Variants in SLC9A9 observed in about 807,000 individuals in gnomAD.
SLC9A9 encodes sodium/hydrogen exchanger 9.
In SLC9A9, 62 loss-of-function variants were observed where a neutral mutation model predicts 77.8. The ratio of observed to expected loss-of-function variants is 0.80; its 90% CI spans 0.65 to 0.98. SLC9A9 has a LOEUF of 0.98. SLC9A9 is among the 50% of genes least tolerant of loss of function. SLC9A9 has a pLI of 0.00. For missense variants in SLC9A9, 775 were observed against 774.9 expected (o/e 1.00, Z 0.00); for synonymous variants, 320 against 283.5 (o/e 1.13, Z -1.29).
intron 4 of SLC9A9, among the ~76,000 whole-genome samples, chr3:143,718,205 C>T (rs989469401): frequency 2.6e-5 from 4 of 152,162 alleles, no homozygotes; most frequent in Admixed American, 2.6e-4. Context: ...GAGAGAACAA[C>T]ATAAAGCTGA....
At chr3:143,720,481 C>T (rs998582318) in intron 4 of SLC9A9, among the ~76,000 whole-genome samples, 1 of 152,188 alleles carries the variant, frequency 6.6e-6, no homozygotes, top group Non-Finnish European at 1.5e-5. Context: ...TCCGGCCTCA[C>T]TTGCTGAAGA....
At chr3:143,597,751 A>G (rs1448801104) in intron 6 of SLC9A9, among the ~76,000 whole-genome samples, 1 of 152,222 alleles carries the variant, frequency 6.6e-6, no homozygotes, top group African/African-American at 2.4e-5. Context: ...CTTACTTTTA[A>G]ACTATTTTAC....
chr3:143,817,148 T>A (rs2009039487), intron 2 of SLC9A9, among the ~76,000 whole-genome samples: 1 of 147,822 alleles, frequency 6.8e-6, no homozygotes, highest in Non-Finnish European at 1.5e-5. Flanking sequence ...TTTTTTTATT[T>A]TTTTTTTTTT....
In SLC9A9 at chr3:143,504,218, G is replaced by C. The variant is rs566030645; in HGVS notation, c.1090-8770C>G. ...TTTGCTAGATTTAAAAGCAGCACTAGTGACCAGGTGCCCAATACAGCCAAA... is the reference window on the plus strand; with the variant it reads ...TTTGCTAGATTTAAAAGCAGCACTACTGACCAGGTGCCCAATACAGCCAAA... On this transcript the variant is annotated intron_variant, in intron 9 of 15. Transcript: ENST00000316549. 93 of 288,580 alleles carry C rather than the reference G, an allele frequency of 3.2e-4. No homozygotes were observed. The South Asian group carries it at 3.3e-3, about 10-fold the overall frequency. 17.9% of individuals were successfully genotyped at this position (288,580 alleles called of 1,614,324 possible).
chr3:143,651,861 T>A lies in SLC9A9; in HGVS notation c.755+394A>T, dbSNP rs578011432. Among the ~76,000 whole-genome samples the A allele has an allele frequency of 5.9e-4, 90 of 152,340 alleles. 1 individual carries two copies. In the South Asian group the frequency reaches 0.017, roughly 28 times the overall value. ...TCTGACCCTTAGGTTCTGGCTCCAA[T>A]CTGCCAATCTGCCCATAAATACAAG... On this transcript the variant is annotated intron_variant, in intron 6 of 15. Transcript: ENST00000316549.
intron 9 of SLC9A9, among the ~76,000 whole-genome samples, chr3:143,522,659 C>T (rs1388483911): frequency 3.3e-5 from 5 of 152,088 alleles, no homozygotes; most frequent in African/African-American, 1.2e-4. Flanking sequence ...CTTCCAAGAT[C>T]ACAAAAGACT....
chr3:143,719,442 C>A (rs1056448621), intron 4 of SLC9A9, among the ~76,000 whole-genome samples: 3 of 151,998 alleles, frequency 2.0e-5, no homozygotes, highest in Non-Finnish European at 4.4e-5. Context: ...CCAAGTAGGG[C>A]CTTTCAGGGA....
intron 9 of SLC9A9, among the ~76,000 whole-genome samples, chr3:143,514,120 T>C (rs980490796): frequency 6.6e-6 from 1 of 152,162 alleles, no homozygotes; most frequent in Non-Finnish European, 1.5e-5. Context: ...CTTACAATAG[T>C]TTGCTAAGAA....
At chr3:143,429,380 T>G (rs2034466470) in intron 12 of SLC9A9, among the ~76,000 whole-genome samples, 1 of 152,140 alleles carries the variant, frequency 6.6e-6, no homozygotes, top group African/African-American at 2.4e-5. Context: ...AGAGTCCAAC[T>G]TGAGATGTCA....
intron 4 of SLC9A9, among the ~76,000 whole-genome samples, chr3:143,783,958 A>G (rs1019337055): frequency 6.6e-6 from 1 of 152,242 alleles, no homozygotes; most frequent in Non-Finnish European, 1.5e-5. Context: ...CCAAAGCTCT[A>G]TCCTTTCCCA....
intron 2 of SLC9A9, among the ~76,000 whole-genome samples, chr3:143,815,502 C>T (rs1460696520): frequency 1.3e-5 from 2 of 151,786 alleles, no homozygotes; most frequent in Admixed American, 1.3e-4. Context: ...TGTGAAGCCC[C>T]TTTTTTGTTA....
intron 12 of SLC9A9, among the ~76,000 whole-genome samples, chr3:143,462,799 G>A (rs1288011429): frequency 6.6e-6 from 1 of 152,190 alleles, no homozygotes; most frequent in African/African-American, 2.4e-5. Flanking sequence ...TTGTTAATCA[G>A]GGTAGATTGC....
At chr3:143,690,987 G>A (rs1350566761) in intron 5 of SLC9A9, among the ~76,000 whole-genome samples, 1 of 152,070 alleles carries the variant, frequency 6.6e-6, no homozygotes, top group African/African-American at 2.4e-5. Context: ...AAAGCCATTG[G>A]ATAAAATGGG....
chr3:143,765,677 T>A (rs1350696456), intron 4 of SLC9A9, among the ~76,000 whole-genome samples: 1 of 152,192 alleles, frequency 6.6e-6, no homozygotes, highest in Non-Finnish European at 1.5e-5. Context: ...CTGGGCCCTG[T>A]ACAGTCAAAT....
At chr3:143,644,554 A>T (rs2038673131) in intron 6 of SLC9A9, among the ~76,000 whole-genome samples, 1 of 152,208 alleles carries the variant, frequency 6.6e-6, no homozygotes, top group African/African-American at 2.4e-5. Context: ...AAAACAAACA[A>T]GACAGCAGCA....
At chr3:143,504,795 T>C (rs1399868791) in intron 9 of SLC9A9, among the ~76,000 whole-genome samples, 5 of 152,156 alleles carry the variant, frequency 3.3e-5, no homozygotes, top group African/African-American at 1.2e-4. Flanking sequence ...CATTTTACCA[T>C]TGGGAAAACT....
At chr3:143,807,937 G>C (rs2008767418) in intron 2 of SLC9A9, among the ~76,000 whole-genome samples, 1 of 152,174 alleles carries the variant, frequency 6.6e-6, no homozygotes, top group Non-Finnish European at 1.5e-5. Context: ...GCGGGGATGA[G>C]AGACCATCTC....
At chr3:143,272,506 T>A (rs1937926603) in intron 14 of SLC9A9, among the ~76,000 whole-genome samples, 1 of 152,204 alleles carries the variant, frequency 6.6e-6, no homozygotes, top group Non-Finnish European at 1.5e-5. Context: ...TCTACCACAC[T>A]GAGCTATCCT....
At chr3:143,276,231 C>A (rs1189406646) in intron 14 of SLC9A9, among the ~76,000 whole-genome samples, 5 of 152,160 alleles carry the variant, frequency 3.3e-5, no homozygotes, top group Admixed American at 1.3e-4. Context: ...AATGTGATAG[C>A]CCAACTCCAG....
Sources: gnomAD v4.1 joint callset for allele counts (sites outside exome capture counted in the v4.1 genomes callset) on GRCh38, gnomAD v4.1.1 for gene constraint, MANE v1.5 for transcripts, NCBI Gene and HGNC (gene_info 2026-07-23, HGNC 2026-07-21) for gene names.